MYO1B: variants seen among roughly 807,000 people sequenced by gnomAD.
MYO1B encodes myosin IB.
Under a neutral mutation model 159.7 loss-of-function variants are expected in MYO1B, and 72 were observed. That is an observed-to-expected ratio of 0.45 (90% CI 0.37 to 0.55). MYO1B has a LOEUF of 0.55. MYO1B is among the 20% of genes least tolerant of loss of function. The pLI is 0.00. For missense variants in MYO1B, 1,062 were observed against 1,364.8 expected (o/e 0.78, Z 3.50); for synonymous variants, 468 against 473.8 (o/e 0.99, Z 0.16).
chr2:191,300,462 G>GC (rs981383985), intron 3 of MYO1B, among the ~76,000 whole-genome samples: 2 of 151,206 alleles, frequency 1.3e-5, no homozygotes, highest in African/African-American at 4.9e-5. Context: ...TCCTGCCTCA[G>GC]CCTCCCAAGT....
chr2:191,299,914 G>A (rs1226626477), intron 3 of MYO1B, among the ~76,000 whole-genome samples: 1 of 152,208 alleles, frequency 6.6e-6, no homozygotes, highest in Non-Finnish European at 1.5e-5. Context: ...AACTCTGTGA[G>A]AAAGGAAAGC....
intron 3 of MYO1B, among the ~76,000 whole-genome samples, chr2:191,300,639 C>CTTTTTTTTTT (rs1233709923): frequency 0.049 from 3,261 of 66,834 alleles, 820 homozygotes; most frequent in African/African-American, 0.2. Flanking sequence ...TGTGCGCAGC[C>CTTTTTTTTTT]TTTTTTTTTT....
chr2:191,411,681 C>T (rs1038656884), intron 27 of MYO1B, among the ~76,000 whole-genome samples: 7 of 152,136 alleles, frequency 4.6e-5, no homozygotes, highest in East Asian at 1.9e-4. Flanking sequence ...GCTAACTCAA[C>T]GGATATGACT....
intron 13 of MYO1B, among the ~76,000 whole-genome samples, chr2:191,375,162 C>T (rs907343434): frequency 6.6e-6 from 1 of 152,102 alleles, no homozygotes; most frequent in Admixed American, 6.6e-5. Flanking sequence ...TTATCTTGCC[C>T]TCATAAACCT....
intron 16 of MYO1B, among the ~76,000 whole-genome samples, chr2:191,386,886 T>G (rs1279578576): frequency 6.6e-6 from 1 of 152,158 alleles, no homozygotes; most frequent in Non-Finnish European, 1.5e-5. Context: ...CAGACTAGAA[T>G]TGGTATGTGA....
intron 2 of MYO1B, among the ~76,000 whole-genome samples, chr2:191,284,239 T>C (rs1688232448): frequency 6.6e-6 from 1 of 152,226 alleles, no homozygotes; most frequent in Non-Finnish European, 1.5e-5. Context: ...AACTGTCCCC[T>C]CTACACATGC....
At chr2:191,255,807 ACTG>A (rs35108239) in intron 1 of MYO1B, among the ~76,000 whole-genome samples, 53,632 of 151,766 alleles carry the variant, frequency 0.35, 12,146 homozygotes, top group Non-Finnish European at 0.48. Context: ...GAGTATTGCC[ACTG>A]CTGCTGCCAT....
chr2:191,406,259 C>T (rs1046693203), intron 24 of MYO1B, among the ~76,000 whole-genome samples: 7 of 152,294 alleles, frequency 4.6e-5, no homozygotes, highest in African/African-American at 1.7e-4. Context: ...ATATCTAGAC[C>T]ACTAAAATTT....
intron 7 of MYO1B, among the ~76,000 whole-genome samples, chr2:191,351,142 A>T (rs1342672504): frequency 6.6e-6 from 1 of 151,614 alleles, no homozygotes; most frequent in Non-Finnish European, 1.5e-5. Flanking sequence ...TCACCATCCC[A>T]TGGTGCTATT....
At chr2:191,365,190 T>A (rs532164636) in intron 11 of MYO1B, among the ~76,000 whole-genome samples, 21 of 152,334 alleles carry the variant, frequency 1.4e-4, no homozygotes, top group African/African-American at 5.1e-4. Context: ...GGCTTACGCA[T>A]TTTACCACCA....
chr2:191,399,351 A>C (rs886300494), intron 21 of MYO1B, among the ~76,000 whole-genome samples: 1 of 152,170 alleles, frequency 6.6e-6, no homozygotes, highest in African/African-American at 2.4e-5. Flanking sequence ...AGTATATGGA[A>C]TAGAGATTTC....
chr2:191,252,363 C>G (rs190521774), intron 1 of MYO1B, among the ~76,000 whole-genome samples: 1 of 152,318 alleles, frequency 6.6e-6, no homozygotes, highest in East Asian at 1.9e-4. Context: ...CTGTGACATT[C>G]AGGAAGGAAA....
chr2:191,263,610 G>T (rs924470494), intron 1 of MYO1B: 3 of 152,236 alleles, frequency 2.0e-5, no homozygotes, highest in African/African-American at 7.2e-5. Context: ...CTACAAGGTA[G>T]TTCACTATTG....
chr2:191,336,870 A>G (rs1380592412), intron 4 of MYO1B, among the ~76,000 whole-genome samples: 1 of 152,198 alleles, frequency 6.6e-6, no homozygotes, highest in African/African-American at 2.4e-5. Context: ...TTGGTGTCTT[A>G]ACTAGAGAGA....
intron 10 of MYO1B, 25 bp from the exon 11 acceptor site, chr2:191,364,133 G>C: frequency 6.3e-7 from 1 of 1,578,038 alleles, no homozygotes; most frequent in Admixed American, 1.7e-5. Flanking sequence ...GTCACTTTTT[G>C]TGTCCATCCC....
intron 3 of MYO1B, among the ~76,000 whole-genome samples, chr2:191,300,602 A>G (rs1211112344): frequency 7.0e-6 from 1 of 143,822 alleles, no homozygotes; most frequent in African/African-American, 2.6e-5. Context: ...TCCGCCTCCC[A>G]AAGTGTTGGG....
chr2:191,414,741 A>G (rs1697459909), intron 29 of MYO1B, 72 bp downstream of exon 29: 1 of 1,505,026 alleles, frequency 6.6e-7, no homozygotes, highest in Admixed American at 2.4e-5. Flanking sequence ...ATATCTGATA[A>G]TCCTATCGCA....
intron 7 of MYO1B, among the ~76,000 whole-genome samples, chr2:191,350,700 T>C (rs1692856046): frequency 6.6e-6 from 1 of 152,092 alleles, no homozygotes; most frequent in Admixed American, 6.6e-5. Context: ...TCTTCCAGTG[T>C]ATTTAAGTGA....
intron 3 of MYO1B, among the ~76,000 whole-genome samples, chr2:191,312,440 A>C (rs1690062710): frequency 6.6e-6 from 1 of 152,224 alleles, no homozygotes; most frequent in African/African-American, 2.4e-5. Context: ...GTCCAAACAC[A>C]TATGGTCCAT....
Sources: gnomAD v4.1 joint callset for allele counts (sites outside exome capture counted in the v4.1 genomes callset) on GRCh38, gnomAD v4.1.1 for gene constraint, MANE v1.5 for transcripts, NCBI Gene and HGNC (gene_info 2026-07-23, HGNC 2026-07-21) for gene names.